TOR1AIP2: variants seen among roughly 807,000 people sequenced by gnomAD.
TOR1AIP2 encodes torsin-1A-interacting protein 2.
Under a neutral mutation model 32.6 loss-of-function variants are expected in TOR1AIP2, and 20 were observed. The observed-to-expected ratio is 0.61, with a 90% confidence interval of 0.43 to 0.89. The LOEUF (loss-of-function observed/expected upper bound fraction) is 0.89. Ranked by LOEUF, TOR1AIP2 falls within the 40% of genes least tolerant of loss-of-function variation. The pLI, the probability that TOR1AIP2 is intolerant of heterozygous loss-of-function variation, is 0.00. For missense variants in TOR1AIP2, 456 were observed against 553.8 expected (o/e 0.82, Z 1.77); for synonymous variants, 214 against 210.8 (o/e 1.02, Z -0.13).
chr1:179,852,524 A>C, intron 4 of TOR1AIP2, 108 bp downstream of exon 4: 1 of 1,152,318 alleles, frequency 8.7e-7, no homozygotes, highest in East Asian at 2.4e-5. Flanking sequence ...CCACTGAATT[A>C]GCTTTTTTAC....
chr1:179,862,261 A>G (rs1239281002), intron 3 of TOR1AIP2: 2 of 978,188 alleles, frequency 2.0e-6, no homozygotes, highest in Admixed American at 6.2e-5. Flanking sequence ...GTTTCTTAGT[A>G]TATGTCCTTG....
chr1:179,867,021 G>A (rs186557865), intron 2 of TOR1AIP2, among the ~76,000 whole-genome samples: 4 of 152,242 alleles, frequency 2.6e-5, no homozygotes, highest in Admixed American at 6.5e-5. Flanking sequence ...AGTAATAAGA[G>A]ACGCTGGGGA....
intron 5 of TOR1AIP2, among the ~76,000 whole-genome samples, chr1:179,849,068 G>A (rs879760761): frequency 7.9e-5 from 12 of 152,068 alleles, no homozygotes; most frequent in Admixed American, 1.3e-4. Context: ...TCCGGGAGGC[G>A]GAGCTTGCAG....
intron 3 of TOR1AIP2, among the ~76,000 whole-genome samples, chr1:179,855,053 T>C (rs1024146333): frequency 1.3e-5 from 2 of 152,150 alleles, no homozygotes; most frequent in African/African-American, 4.8e-5. Context: ...CAACTGACTA[T>C]TCAAATAGGG....
At chr1:179,877,667 G>A (rs1248900146) in intron 1 of TOR1AIP2, 26 bp downstream of exon 1, 1 of 152,224 alleles carries the variant, frequency 6.6e-6, no homozygotes, top group Non-Finnish European at 1.5e-5. Context: ...ACATGGAAAA[G>A]CTGCATAGTC....
rs1695678254 is a variant in TOR1AIP2, at chr1:179,840,210, T to C, written c.*5861A>G. ...TTTTATGACAGGAAAGGCAAATAGA[T>C]TTAAATTTCCTGTGCTCTCTGATGA... On this transcript the variant is annotated 3_prime_UTR_variant, in exon 7 of 7. Transcript: ENST00000609928. 1 of 152,210 alleles carries C rather than the reference T, an allele frequency of 6.6e-6. No homozygotes were observed. The highest frequency in any genetic ancestry group is 2.1e-4 in the South Asian group (1 of 4,832). 9.4% of individuals were successfully genotyped at this position (152,210 alleles called of 1,614,324 possible). A position where few individuals can be genotyped will look rare whatever the true frequency, so the allele number is the denominator to read the frequency against.
chr1:179,846,630 A>G lies in TOR1AIP2; in HGVS notation c.854T>C (p.Leu285Pro). The G allele has an allele frequency of 6.2e-7, 1 of 1,614,072 alleles. No homozygotes were observed. Residue 285 changes from leucine to proline, a missense_variant, in exon 7 of 7, where the codon CTC becomes CCC. Physicochemically the swap from Leu to Pro is moderately conservative, Grantham distance 98 (BLOSUM62 -3). Coordinates refer to ENST00000609928, the MANE Select transcript of TOR1AIP2 (RefSeq NM_001199260.2). Reference protein sequence around the residue: ...QRGRKFLQKHLNASNPTEPAT... With the variant: ...QRGRKFLQKHPNASNPTEPAT... The stretch of plus-strand genomic sequence containing the variant: ...TGGCTCAGTGGGGTTGGAAGCATTG[A>G]GGTGCTTCTGGAGAAACTTCCGTCC...
At chr1:179,860,703 A>C in intron 3 of TOR1AIP2, 1 of 983,482 alleles carries the variant, frequency 1.0e-6, no homozygotes, top group Non-Finnish European at 1.2e-6. Context: ...TAAAATGCCT[A>C]AGGTCATTTA....
intron 3 of TOR1AIP2, chr1:179,864,289 A>G (rs1270054834): frequency 1.0e-5 from 10 of 985,074 alleles, no homozygotes; most frequent in African/African-American, 1.7e-5. Context: ...ATTTATATAT[A>G]TATCTCATCA....
chr1:179,854,132 A>G lies in TOR1AIP2; in HGVS notation c.-146-1321T>C, dbSNP rs142645737. Among the ~76,000 whole-genome samples, 13 of 152,310 alleles carry G rather than the reference A, an allele frequency of 8.5e-5. No individual in the cohort carries two copies. The East Asian group carries it at 2.5e-3, about 29-fold the overall frequency. On this transcript the variant is annotated intron_variant, in intron 3 of 6. Coordinates refer to ENST00000609928, the MANE Select transcript of TOR1AIP2 (RefSeq NM_001199260.2). ...AAAAATTTTCAAAAGGAATGATGCTACTCACAATAACCTTAAGGAACCTAG... is the reference window on the plus strand; with the variant it reads ...AAAAATTTTCAAAAGGAATGATGCTGCTCACAATAACCTTAAGGAACCTAG...
At chr1:179,860,949 C>T in intron 3 of TOR1AIP2, 2 of 985,482 alleles carry the variant, frequency 2.0e-6, no homozygotes, top group East Asian at 1.1e-4. Flanking sequence ...TTTGCCTGGG[C>T]TTCCTTCACC....
At chr1:179,853,925 C>G (rs1696205296) in intron 3 of TOR1AIP2, among the ~76,000 whole-genome samples, 1 of 152,126 alleles carries the variant, frequency 6.6e-6, no homozygotes, top group Non-Finnish European at 1.5e-5. Context: ...GCTCTTTTAT[C>G]TTCTTCAAGC....
At chr1:179,875,543 A>G (rs1647241603) in intron 2 of TOR1AIP2, 8 of 152,234 alleles carry the variant, frequency 5.3e-5, no homozygotes. Context: ...GACTTTTTCC[A>G]AAAATGTCAT....
At position 179,863,705 on chromosome 1, in the gene TOR1AIP2, C is replaced by G. The variant is rs139234472; in HGVS notation, c.-147+1731G>C. The stretch of plus-strand genomic sequence containing the variant: ...AAAAAAAAAAAAAAAAAAAGAGGAT[C>G]GCAAGGGGGAAGGACACAAAGAAGC... On this transcript the variant is annotated intron_variant, in intron 3 of 6. Coordinates refer to ENST00000609928, the MANE Select transcript of TOR1AIP2 (RefSeq NM_001199260.2). 4 of 966,752 alleles carry G rather than the reference C, an allele frequency of 4.1e-6. No individual in the cohort carries two copies. In the African/African-American group the frequency reaches 5.5e-5, roughly 13 times the overall value. The allele number at this position is 966,752 out of a possible 1,614,324, so 59.9% of individuals were successfully genotyped here.
At chr1:179,859,123 TGGCCC>T (rs770867808) in intron 3 of TOR1AIP2, 573 of 985,184 alleles carry the variant, frequency 5.8e-4, no homozygotes, top group Non-Finnish European at 6.3e-4. Context: ...ACTGGTATCT[TGGCCC>T]TGAAACAAGT....
At position 179,877,758 on chromosome 1, in the gene TOR1AIP2, C is replaced by T. The variant is rs1451222832; in HGVS notation, c.-766G>A. 6.6e-6 allele frequency: 1 copy of T among 152,118 alleles called. No homozygotes were observed. The highest frequency in any genetic ancestry group is 1.5e-5 in the Non-Finnish European group (1 of 68,030). The allele number at this position is 152,118 out of a possible 1,614,324, so 9.4% of individuals were successfully genotyped here. A position where few individuals can be genotyped will look rare whatever the true frequency, so the allele number is the denominator to read the frequency against. ...AGGAGAGCCCTTCGAGTATTCTCTC[C>T]GCTCCACACCGCTCGGCTGCACCCA... On this transcript the variant is annotated 5_prime_UTR_variant, in exon 1 of 7. Transcript: ENST00000609928.
chr1:179,876,521 T>C (rs1346369936), intron 2 of TOR1AIP2, among the ~76,000 whole-genome samples: 1 of 152,236 alleles, frequency 6.6e-6, no homozygotes, highest in Admixed American at 6.5e-5. Flanking sequence ...TAACAAATGT[T>C]AGTTTTTCAA....
At chr1:179,849,196 T>TA (rs1460885959) in intron 5 of TOR1AIP2, among the ~76,000 whole-genome samples, 1 of 152,108 alleles carries the variant, frequency 6.6e-6, no homozygotes, top group Non-Finnish European at 1.5e-5. Context: ...TCTCATCTCT[T>TA]AGAGTATAGA....
intron 3 of TOR1AIP2, chr1:179,859,133 A>T (rs745687320): frequency 5.9e-4 from 582 of 985,152 alleles, no homozygotes; most frequent in Non-Finnish European, 6.4e-4. Context: ...TGGCCCTGAA[A>T]CAAGTAGTTA....
Sources: allele counts gnomAD v4.1 joint callset (sites outside exome capture counted in the v4.1 genomes callset), GRCh38; gene constraint gnomAD v4.1.1; transcripts MANE v1.5; gene names NCBI Gene and HGNC (gene_info 2026-07-23, HGNC 2026-07-21).